The following GLI2 variants were observed in gnomAD, a reference collection of about 807,000 sequenced individuals.
GLI2 encodes transcription activator GLI2.
A neutral mutation model predicts 78.9 loss-of-function variants in GLI2; 22 were observed. The observed-to-expected ratio is 0.28, with a 90% CI of 0.20 to 0.40. The LOEUF (loss-of-function observed/expected upper bound fraction) is 0.40. Ranked by LOEUF, GLI2 falls within the 10% of genes least tolerant of loss-of-function variation. GLI2 has a pLI of 1.00. For missense variants in GLI2, 2,097 were observed against 2,213.2 expected, an observed-to-expected ratio of 0.95 and a Z score of 1.05; for synonymous variants, 974 against 963.7, an observed-to-expected ratio of 1.01 and a Z score of -0.20.
intron 6 of GLI2, 92 bp from the exon 7 acceptor site, chr2:120,970,301 C>G: frequency 5.4e-6 from 4 of 736,118 alleles, no homozygotes; most frequent in Non-Finnish European, 9.8e-6. Context: ...TCATCCCTAT[C>G]CCCTGGGCAA....
chr2:120,883,533 C>G (rs1377468809), intron 2 of GLI2, among the ~76,000 whole-genome samples: 1 of 152,178 alleles, frequency 6.6e-6, no homozygotes, highest in South Asian at 2.1e-4. Context: ...TTGAAGAAGA[C>G]AGCCGCACTG....
chr2:120,766,559 G>A (rs1398723694), intron 1 of GLI2, among the ~76,000 whole-genome samples: 1 of 152,246 alleles, frequency 6.6e-6, no homozygotes, highest in Non-Finnish European at 1.5e-5. Context: ...GATAGCCTGA[G>A]GTTCTGTGTT....
intron 2 of GLI2, among the ~76,000 whole-genome samples, chr2:120,911,294 G>A (rs1678804883): frequency 6.6e-6 from 1 of 152,220 alleles, no homozygotes; most frequent in Non-Finnish European, 1.5e-5. Flanking sequence ...TCTCTAAAGT[G>A]GAGATAATAG....
intron 2 of GLI2, among the ~76,000 whole-genome samples, chr2:120,831,372 C>G (rs1380904314): frequency 6.6e-6 from 1 of 152,222 alleles, no homozygotes; most frequent in Non-Finnish European, 1.5e-5. Flanking sequence ...CTGTGGGCAC[C>G]AGGCCTCCCT....
At chr2:120,855,375 C>T (rs935277560) in intron 2 of GLI2, among the ~76,000 whole-genome samples, 1 of 152,184 alleles carries the variant, frequency 6.6e-6, no homozygotes, top group Non-Finnish European at 1.5e-5. Flanking sequence ...GGTGGCTTCA[C>T]AGATGTACTC....
At chr2:120,958,371 C>T (rs1236485185) in intron 5 of GLI2, among the ~76,000 whole-genome samples, 2 of 152,180 alleles carry the variant, frequency 1.3e-5, no homozygotes. Flanking sequence ...GCTCTGTCCA[C>T]CTGCTGCCTA....
At position 120,945,477 on chromosome 2, in the gene GLI2, C is replaced by A. The variant is rs777771722; in HGVS notation, c.255-5766C>A. Among the ~76,000 whole-genome samples, 3 of 152,282 alleles carry A rather than the reference C, an allele frequency of 2.0e-5. No individual in the cohort carries two copies. The South Asian group carries it at 6.2e-4, about 32-fold the overall frequency. ...CTGCAGGTGGGTGGATGGACAGGCCCGAGCACTTATGGCTGGGGTCTGCCT... is the reference window on the plus strand; with the variant it reads ...CTGCAGGTGGGTGGATGGACAGGCCAGAGCACTTATGGCTGGGGTCTGCCT... On this transcript the variant is annotated intron_variant, in intron 3 of 13. Coordinates refer to ENST00000361492, the MANE Select transcript of GLI2 (RefSeq NM_001374353.1).
chr2:120,755,472 G>A (rs1172142951), intron 1 of GLI2, among the ~76,000 whole-genome samples: 1 of 152,052 alleles, frequency 6.6e-6, no homozygotes, highest in East Asian at 1.9e-4. Context: ...TTATTGCTTA[G>A]TTTTGAGAAT....
Position 120,951,375 on chromosome 2 carries a change from C to T in GLI2, c.387C>T (p.Tyr129=). The T allele has an allele frequency of 6.2e-7, 1 of 1,611,010 alleles. No individual in the cohort carries two copies. The highest frequency in any genetic ancestry group is 1.1e-5 in the South Asian group (1 of 91,034). Residue 129 remains tyrosine (Y), a synonymous_variant, in exon 4 of 14, where the codon TAC becomes TAT. Transcript: ENST00000361492. ...HPYVNPHMEH[Y]LRSVHSSPTL... ...ACGTGAACCCCCACATGGAGCACTACCTCCGTTCTGTGCACAGCAGCCCCA... is the reference window on the plus strand; with the variant it reads ...ACGTGAACCCCCACATGGAGCACTATCTCCGTTCTGTGCACAGCAGCCCCA...
At chr2:120,913,784 G>T (rs114739443) in intron 2 of GLI2, among the ~76,000 whole-genome samples, 1,578 of 152,334 alleles carry the variant, frequency 0.01, 23 homozygotes, top group African/African-American at 0.035. Context: ...CGGTTTTAAA[G>T]GTCATTGATT....
intron 1 of GLI2, among the ~76,000 whole-genome samples, chr2:120,772,150 C>A (rs545359290): frequency 1.3e-5 from 2 of 152,196 alleles, no homozygotes; most frequent in Admixed American, 6.5e-5. Context: ...GTGAGAAGGA[C>A]CCCAGGGGCT....
intron 2 of GLI2, among the ~76,000 whole-genome samples, chr2:120,830,663 G>GTGAGCCCTC (rs1329005062): frequency 6.6e-6 from 1 of 152,194 alleles, no homozygotes; most frequent in African/African-American, 2.4e-5. Context: ...GGCAGAGAGT[G>GTGAGCCCTC]TGAGCCCTCT....
At chr2:120,812,885 ACAGCAGTGAG>A (rs1573415586) in intron 2 of GLI2, among the ~76,000 whole-genome samples, 2 of 152,098 alleles carry the variant, frequency 1.3e-5, no homozygotes, top group Admixed American at 1.3e-4. Context: ...GGGATGCTTC[ACAGCAGTGAG>A]GGCGAGAGTC....
chr2:120,960,559 T>C (rs1330533829), intron 5 of GLI2, among the ~76,000 whole-genome samples: 2 of 152,254 alleles, frequency 1.3e-5, no homozygotes, highest in Non-Finnish European at 2.9e-5. Context: ...AATAAATGGT[T>C]CTTCAAATGG....
In GLI2 at chr2:120,976,326, C is replaced by A. The variant is rs560742438; in HGVS notation, c.1317+1217C>A. ...GCTTCTTCCACTTATGCAACTTGCT[C>A]ACAAATACCGTAGGTTTCTTTTGTG... is the stretch of plus-strand genomic sequence containing the variant. On this transcript the variant is annotated intron_variant, in intron 9 of 13. Coordinates refer to ENST00000361492, the MANE Select transcript of GLI2 (RefSeq NM_001374353.1). Among the ~76,000 whole-genome samples, 5 of 152,360 alleles carry A rather than the reference C, an allele frequency of 3.3e-5. No homozygotes were observed. In the South Asian group the frequency reaches 1.0e-3, roughly 32 times the overall value.
intron 1 of GLI2, among the ~76,000 whole-genome samples, chr2:120,775,390 G>T (rs74659862): frequency 2.6e-5 from 4 of 152,216 alleles, no homozygotes; most frequent in Admixed American, 6.5e-5. Flanking sequence ...TCCCGGTGCC[G>T]TTCAGTGGTG....
intron 3 of GLI2, among the ~76,000 whole-genome samples, chr2:120,943,187 C>T (rs998556349): frequency 8.5e-5 from 13 of 152,154 alleles, no homozygotes; most frequent in African/African-American, 1.4e-4. Flanking sequence ...ACAGAAGCAC[C>T]GTAGGAGGAT....
intron 1 of GLI2, among the ~76,000 whole-genome samples, chr2:120,780,704 G>C (rs1184838697): frequency 6.6e-6 from 1 of 152,224 alleles, no homozygotes; most frequent in Non-Finnish European, 1.5e-5. Flanking sequence ...CTGCCACCCG[G>C]GTTCCCAGCT....
At chr2:120,773,815 T>C (rs1374856936) in intron 1 of GLI2, among the ~76,000 whole-genome samples, 2 of 152,022 alleles carry the variant, frequency 1.3e-5, no homozygotes, top group East Asian at 1.9e-4. Flanking sequence ...TTCAGCGGTG[T>C]TGGAGGCTCA....
Sources: allele counts gnomAD v4.1 joint callset (sites outside exome capture counted in the v4.1 genomes callset), GRCh38; gene constraint gnomAD v4.1.1; transcripts MANE v1.5; gene names NCBI Gene and HGNC (gene_info 2026-07-23, HGNC 2026-07-21).